TMEM135: variants seen among roughly 807,000 people sequenced by gnomAD.
TMEM135 encodes peroxisomal membrane protein 52.
A neutral mutation model predicts 60.3 loss-of-function variants in TMEM135; 30 were observed. The observed-to-expected ratio is 0.50, with a 90% confidence interval of 0.37 to 0.68. TMEM135 has a LOEUF of 0.68. Ranked by LOEUF, TMEM135 falls within the 30% of genes least tolerant of loss-of-function variation. The pLI, the probability that TMEM135 is intolerant of heterozygous loss-of-function variation, is 0.00. For synonymous variants in TMEM135, 190 were observed against 186.7 expected (o/e 1.02, Z -0.14); for missense variants, 468 against 548.8 (o/e 0.85, Z 1.47).
In TMEM135 at chr11:87,038,033, G is replaced by T. The variant is rs766125582; in HGVS notation, c.-13G>T. 6.2e-6 allele frequency: 10 copies of T among 1,613,662 alleles called. No individual in the cohort carries two copies. The Admixed American group carries it at 1.2e-4, about 19-fold the overall frequency. On this transcript the variant is annotated 5_prime_UTR_variant, in exon 1 of 15. Transcript: ENST00000305494. Reference sequence around the variant, plus strand: ...GCTCTCCCCCTCCTGTCTTCTCCGCGCTGTTCCTCGTCATGGCGGCCCTCA... The same window carrying T: ...GCTCTCCCCCTCCTGTCTTCTCCGCTCTGTTCCTCGTCATGGCGGCCCTCA...
chr11:87,315,218 G>A (rs1198801933), intron 12 of TMEM135, among the ~76,000 whole-genome samples: 2 of 151,832 alleles, frequency 1.3e-5, no homozygotes, highest in African/African-American at 4.8e-5. Context: ...TGTTGAAGAT[G>A]TAGGTCATTA....
chr11:87,067,726 C>A lies in TMEM135; in HGVS notation c.174C>A (p.Asp58Glu). The A allele has an allele frequency of 6.2e-7, 1 of 1,613,862 alleles. No homozygotes were observed. Among genetic ancestry groups the A allele is most frequent in the Non-Finnish European group, 8.5e-7 (1 of 1,179,902 alleles). Residue 58 changes from aspartate to glutamate, a missense_variant, in exon 2 of 15, where the codon GAC (aspartate) becomes GAA (glutamate). By Grantham distance (45) the Asp-to-Glu change is conservative. Coordinates refer to ENST00000305494, the MANE Select transcript of TMEM135 (RefSeq NM_022918.4). ...CAATTCTCCGGAAACGGAAATTAGACTATTATTTACACAAACTACTCCCTG... is the reference window on the plus strand; with the variant it reads ...CAATTCTCCGGAAACGGAAATTAGAATATTATTTACACAAACTACTCCCTG... ...IAAILRKRKL[D>E]YYLHKLLPEI... is the part of the protein sequence containing the mutation.
rs1941336901 is a variant in TMEM135, at chr11:87,248,341, T to A, written c.509+11657T>A. Reference sequence around the variant, plus strand: ...CAACAGTGTACAAGGGTTCCTTTTCTTCACATCTTCTCACAGCATTTGTTA... The same window carrying A: ...CAACAGTGTACAAGGGTTCCTTTTCATCACATCTTCTCACAGCATTTGTTA... On this transcript the variant is annotated intron_variant, in intron 6 of 14. Transcript: ENST00000305494. Among the ~76,000 whole-genome samples, 3 of 152,228 alleles carry A rather than the reference T, an allele frequency of 2.0e-5. No homozygotes were observed. The South Asian group carries it at 6.2e-4, about 31-fold the overall frequency.
rs145782245 is a variant in TMEM135, at chr11:87,148,234, A to C, written c.397-9107A>C. On this transcript the variant is annotated intron_variant, in intron 4 of 14. Coordinates refer to ENST00000305494, the MANE Select transcript of TMEM135 (RefSeq NM_022918.4). ...AATGCTGAGAATTAGCTCTGAATTCATTATTTTTGACCCTTGTTAGTAGTT... is the reference window on the plus strand; with the variant it reads ...AATGCTGAGAATTAGCTCTGAATTCCTTATTTTTGACCCTTGTTAGTAGTT... Among the ~76,000 whole-genome samples, 428 of 152,356 alleles carry C rather than the reference A, an allele frequency of 2.8e-3. 3 individuals carry two copies. The highest frequency in any genetic ancestry group is 9.9e-3 in the African/African-American group (410 of 41,586).
At chr11:87,138,123 C>G (rs1938158458) in intron 4 of TMEM135, among the ~76,000 whole-genome samples, 2 of 143,744 alleles carry the variant, frequency 1.4e-5, no homozygotes, top group Non-Finnish European at 3.0e-5. Context: ...CTGAGTCTCG[C>G]TCTGTCACCC....
chr11:87,289,748 G>A (rs559843749), intron 6 of TMEM135, among the ~76,000 whole-genome samples: 22 of 152,176 alleles, frequency 1.4e-4, no homozygotes, highest in Middle Eastern at 6.8e-3. Flanking sequence ...GAGCCACCGC[G>A]TGCAGCCATC....
chr11:87,201,013 T>C (rs1307991074), intron 5 of TMEM135, among the ~76,000 whole-genome samples: 2 of 152,212 alleles, frequency 1.3e-5, no homozygotes, highest in African/African-American at 4.8e-5. Context: ...ATGGTATTCT[T>C]TTAACTTTTA....
intron 4 of TMEM135, among the ~76,000 whole-genome samples, chr11:87,105,126 G>A (rs1291390439): frequency 6.6e-6 from 1 of 152,092 alleles, no homozygotes; most frequent in Admixed American, 6.6e-5. Context: ...TATTGTGAAA[G>A]GATGTTGAAT....
intron 5 of TMEM135, among the ~76,000 whole-genome samples, chr11:87,172,316 A>T (rs1490560592): frequency 6.6e-6 from 1 of 152,196 alleles, no homozygotes; most frequent in Non-Finnish European, 1.5e-5. Flanking sequence ...GAGACAAAAC[A>T]GGTTAAGAAA....
intron 6 of TMEM135, chr11:87,258,968 C>G: frequency 6.6e-7 from 1 of 1,523,698 alleles, no homozygotes; most frequent in Non-Finnish European, 9.1e-7. Context: ...TGCATCTTCT[C>G]AGTCTCAAAG....
chr11:87,227,143 C>T (rs944920123), intron 5 of TMEM135, among the ~76,000 whole-genome samples: 79 of 152,104 alleles, frequency 5.2e-4, no homozygotes, highest in African/African-American at 1.8e-3. Flanking sequence ...TGAGTTTCCA[C>T]ACTCAATTCA....
chr11:87,124,120 G>C (rs1227228705), intron 4 of TMEM135, among the ~76,000 whole-genome samples: 1 of 152,102 alleles, frequency 6.6e-6, no homozygotes, highest in Non-Finnish European at 1.5e-5. Flanking sequence ...GATTTCACAT[G>C]AGCAATGTTT....
chr11:87,142,630 C>T lies in TMEM135; in HGVS notation c.397-14711C>T, dbSNP rs556270072. Among the ~76,000 whole-genome samples, 12 of 151,910 alleles carry T rather than the reference C, an allele frequency of 7.9e-5. No individual in the cohort carries two copies. The South Asian group carries it at 2.5e-3, about 32-fold the overall frequency. On this transcript the variant is annotated intron_variant, in intron 4 of 14. Coordinates refer to ENST00000305494, the MANE Select transcript of TMEM135 (RefSeq NM_022918.4). ...TTTCAGAAATTTGAGTATGATGTGT[C>T]CATGTGCGAATTGCTTTGTGTTTTT...
chr11:87,144,361 C>T (rs1424644027), intron 4 of TMEM135, among the ~76,000 whole-genome samples: 1 of 152,176 alleles, frequency 6.6e-6, no homozygotes, highest in Non-Finnish European at 1.5e-5. Flanking sequence ...GCATGCCATA[C>T]AGTCTCTGTT....
chr11:87,137,882 C>G (rs540074334), intron 4 of TMEM135, among the ~76,000 whole-genome samples: 41 of 152,154 alleles, frequency 2.7e-4, no homozygotes, highest in African/African-American at 9.4e-4. Flanking sequence ...AGCCAGATGA[C>G]TGCTCTCAAT....
chr11:87,085,288 G>C (rs572722558), intron 3 of TMEM135, among the ~76,000 whole-genome samples: 1 of 152,292 alleles, frequency 6.6e-6, no homozygotes, highest in Non-Finnish European at 1.5e-5. Flanking sequence ...CTGTTAAGGA[G>C]GTGATTTGGG....
At chr11:87,066,779 CTTTCTTT>C (rs1856668678) in intron 1 of TMEM135, among the ~76,000 whole-genome samples, 1 of 129,178 alleles carries the variant, frequency 7.7e-6, no homozygotes, top group African/African-American at 3.0e-5. Flanking sequence ...TTACTAGATT[CTTTCTTT>C]TTTTTTTTTT....
At chr11:87,129,544 ATT>A (rs371919827) in intron 4 of TMEM135, among the ~76,000 whole-genome samples, 1 of 125,648 alleles carries the variant, frequency 8.0e-6, no homozygotes, top group African/African-American at 3.1e-5. Flanking sequence ...TGCTTGGCCA[ATT>A]TTTTTTTTTT....
chr11:87,108,565 A>G (rs1198625088), intron 4 of TMEM135, among the ~76,000 whole-genome samples: 3 of 150,512 alleles, frequency 2.0e-5, no homozygotes, highest in African/African-American at 7.3e-5. Context: ...GATCTTTGTT[A>G]TCTCCTTCAT....
Sources: gnomAD v4.1 joint callset for allele counts (sites outside exome capture counted in the v4.1 genomes callset) on GRCh38, gnomAD v4.1.1 for gene constraint, MANE v1.5 for transcripts, NCBI Gene and HGNC (gene_info 2026-07-23, HGNC 2026-07-21) for gene names.